The following RNF207 variants were observed in gnomAD, a reference collection of about 807,000 sequenced individuals.
RNF207 encodes the protein OTTHUMG00000001089.
A neutral mutation model predicts 79.0 loss-of-function variants in RNF207; 72 were observed. The observed-to-expected ratio is 0.91, with a 90% confidence interval of 0.75 to 1.11. The LOEUF is 1.11. Among genes scored for constraint, RNF207 ranks in the 50% least tolerant of loss-of-function variants. The probability of loss-of-function intolerance (pLI) is 0.00; values close to 1 mark genes in which losing one functional copy is unlikely to be tolerated. For missense variants in RNF207, 936 were observed against 855.8 expected, an observed-to-expected ratio of 1.09 and a Z score of -1.17; for synonymous variants, 348 against 366.2, an observed-to-expected ratio of 0.95 and a Z score of 0.57.
rs1321000207 is a variant in RNF207 at position 6,220,049 on chromosome 1, C to T, written c.*642C>T. On this transcript the variant is annotated 3_prime_UTR_variant, in exon 18 of 18. Coordinates refer to ENST00000377939, the MANE Select transcript of RNF207 (RefSeq NM_207396.3). ...CCAACCTCAGGTGATCCGCCCACCTCGGCCTCCCAAAATGCTGGGATTACA... is the reference window on the plus strand; with the variant it reads ...CCAACCTCAGGTGATCCGCCCACCTTGGCCTCCCAAAATGCTGGGATTACA... The T allele has an allele frequency of 1.3e-5, 2 of 152,246 alleles. No homozygotes were observed. The allele number at this position is 152,246 out of a possible 1,614,324, so 9.4% of individuals were successfully genotyped here. A position where few individuals can be genotyped will look rare whatever the true frequency, so the allele number is the denominator to read the frequency against.
At chr1:6,208,601 C>T in intron 3 of RNF207, 1 of 456,468 alleles carries the variant, frequency 2.2e-6, no homozygotes, top group Non-Finnish European at 3.9e-6. Context: ...GCCACCGCGC[C>T]CGGCCTCGGT....
rs1462997049 is a variant in RNF207 at position 6,209,041 on chromosome 1, G to T, written c.469+16G>T. 29 of 1,542,902 alleles carry T rather than the reference G, an allele frequency of 1.9e-5. No homozygotes were observed. The highest frequency in any genetic ancestry group is 2.0e-4 in the Middle Eastern group (1 of 5,126). ...CAGAAGTGCAGTGAGTGAGGCTTGC[G>T]GGGCCGGGGACTTGGGGGTGGGGGC... On this transcript the variant is annotated intron_variant, in intron 4 of 17. Coordinates refer to ENST00000377939, the MANE Select transcript of RNF207 (RefSeq NM_207396.3).
chr1:6,206,822 A>G, intron 2 of RNF207, 96 bp downstream of exon 2: 1 of 1,001,534 alleles, frequency 1.0e-6, no homozygotes, highest in Admixed American at 2.4e-5. Context: ...CAGGAGAGTA[A>G]GGCTCCAACT....
At position 6,212,354 on chromosome 1, in the gene RNF207, C is replaced by T. The variant is rs781257749; in HGVS notation, c.1420C>T (p.Leu474=). 6.2e-7 allele frequency: 1 copy of T among 1,613,968 alleles called. No individual in the cohort carries two copies. The highest frequency in any genetic ancestry group is 2.2e-5 in the East Asian group (1 of 44,870). The change falls in exon 14 of 18, where the codon CTG becomes TTG. Residue 474 remains leucine, a synonymous_variant. Coordinates refer to ENST00000377939, the MANE Select transcript of RNF207 (RefSeq NM_207396.3). ...AGACGTCCTGCACAAGTCCCTGCAACTGGACGTGCAGATCGCCTCGGAGCA... is the reference window on the plus strand; with the variant it reads ...AGACGTCCTGCACAAGTCCCTGCAATTGGACGTGCAGATCGCCTCGGAGCA... ...MGDVLHKSLQ[L]DVQIASEHAS... is the part of the protein sequence containing the mutation.
intron 16 of RNF207, among the ~76,000 whole-genome samples, chr1:6,215,124 G>T (rs1284324519): frequency 6.6e-6 from 1 of 151,102 alleles, no homozygotes; most frequent in Non-Finnish European, 1.5e-5. Context: ...CGCCTACTTG[G>T]TTCAAGCCAT....
chr1:6,206,490 G>C (rs1016769729), intron 1 of RNF207, 46 bp from the exon 2 acceptor site: 13 of 1,437,016 alleles, frequency 9.0e-6, no homozygotes, highest in Non-Finnish European at 1.2e-5. Context: ...GAGCTCAAGC[G>C]GGGCTCCGTG....
rs1303909814 is a variant in RNF207 at position 6,209,010 on chromosome 1, G to C, written c.454G>C (p.Val152Leu). The C allele has an allele frequency of 2.6e-6, 4 of 1,540,116 alleles. No homozygotes were observed. The highest frequency in any genetic ancestry group is 2.6e-6 in the Non-Finnish European group (3 of 1,145,696). The change falls in exon 4 of 18, where the codon GTG (valine) becomes CTG (leucine). Residue 152 changes from valine (V) to leucine (L), a missense_variant. By Grantham distance (32) the Val-to-Leu change is conservative. Transcript: ENST00000377939. ...GGCCCTGGGTCAGCGAAGCCGCGAC[G>C]TGCCCCAGAAGTGCAGTGAGTGAGG... ...IVALGQRSRD[V>L]PQKCTLHAEP...
rs1667942702 is a variant in RNF207, at chr1:6,207,180, AG to A, written c.192-197del. On this transcript the variant is annotated intron_variant, in intron 2 of 17. Coordinates refer to ENST00000377939, the MANE Select transcript of RNF207 (RefSeq NM_207396.3). This position sits in a 1 kb window ranked among gnomAD's most constrained non-coding sequence, Gnocchi z 4.5. ...CTAGGGGACCAACCCCACTGTCTGC[AG>A]GAGTGCCCAGGACTGGGCAAGGGTA... Among the ~76,000 whole-genome samples, 1 of 152,210 alleles carries A rather than the reference AG, an allele frequency of 6.6e-6. No homozygotes were observed. The highest frequency in any genetic ancestry group is 1.5e-5 in the Non-Finnish European group (1 of 68,044).
intron 1 of RNF207, 103 bp from the exon 2 acceptor site, chr1:6,206,433 C>A: frequency 1.2e-6 from 1 of 806,622 alleles, no homozygotes; most frequent in Non-Finnish European, 1.9e-6. Flanking sequence ...CCAGTCGGGT[C>A]CAGGCGCGAT....
chr1:6,208,201 T>A (rs1474008170), intron 3 of RNF207: 1 of 127,220 alleles, frequency 7.9e-6, no homozygotes, highest in Non-Finnish European at 1.6e-5. Context: ...GCTCTTCCCC[T>A]CCCCCCGCCC....
Position 6,209,044 on chromosome 1 carries a change from G to T in RNF207, c.469+19G>T, listed in dbSNP as rs920247742. 6.5e-7 allele frequency: 1 copy of T among 1,540,560 alleles called. No individual in the cohort carries two copies. Among genetic ancestry groups the T allele is most frequent in the Non-Finnish European group, 8.7e-7 (1 of 1,144,198 alleles). On this transcript the variant is annotated intron_variant, in intron 4 of 17. Coordinates refer to ENST00000377939, the MANE Select transcript of RNF207 (RefSeq NM_207396.3). ...AAGTGCAGTGAGTGAGGCTTGCGGG[G>T]CCGGGGACTTGGGGGTGGGGGCGGG...
rs1342076803 is a variant in RNF207, at chr1:6,217,173, C to T, written c.1653-1116C>T. 6.6e-6 allele frequency among the ~76,000 whole-genome samples: 1 copy of T among 152,162 alleles called. No individual in the cohort carries two copies. Among genetic ancestry groups the T allele is most frequent in the Non-Finnish European group, 1.5e-5 (1 of 68,032 alleles). On this transcript the variant is annotated intron_variant, in intron 16 of 17. Coordinates refer to ENST00000377939, the MANE Select transcript of RNF207 (RefSeq NM_207396.3). This position sits in a 1 kb window ranked among gnomAD's most constrained non-coding sequence, Gnocchi z 4.2. Reference sequence around the variant, plus strand: ...CGTGACCGTGCCTAGCCATGTTAGTCTTCAGTACACCTTCTCTTTGCTGAC... The same window carrying T: ...CGTGACCGTGCCTAGCCATGTTAGTTTTCAGTACACCTTCTCTTTGCTGAC...
In RNF207 at chr1:6,212,412, A is replaced by G; in HGVS notation, c.1478A>G (p.Gln493Arg). Residue 493 changes from glutamine (Q) to arginine (R), a missense_variant, in exon 14 of 18, where the codon CAG (glutamine) becomes CGG (arginine). Coordinates refer to ENST00000377939, the MANE Select transcript of RNF207 (RefSeq NM_207396.3). ...ASLEGMRVVF[Q>R]EIWEEAYQRV... ...TTAGAGGGCATGAGGGTCGTCTTCCAGGAGGTAGCCCTCCCAAGGACTCTA... is the reference window on the plus strand; with the variant it reads ...TTAGAGGGCATGAGGGTCGTCTTCCGGGAGGTAGCCCTCCCAAGGACTCTA... 1 of 1,607,374 alleles carries G rather than the reference A, an allele frequency of 6.2e-7. No homozygotes were observed. Among genetic ancestry groups the G allele is most frequent in the Non-Finnish European group, 8.5e-7 (1 of 1,176,912 alleles).
At chr1:6,212,793 A>G (rs1345726333) in intron 15 of RNF207, 60 bp downstream of exon 15, 1 of 1,387,184 alleles carries the variant, frequency 7.2e-7, no homozygotes, top group Admixed American at 1.7e-5. Flanking sequence ...ACATACTAGC[A>G]GAGGAGGAAG....
At position 6,218,347 on chromosome 1, in the gene RNF207, A is replaced by G. The variant is rs372042517; in HGVS notation, c.1711A>G (p.Arg571Gly). ...TCTACAGAACACGCACGACGACAGC[A>G]GGAACAACGCGGCCTCAGCCAGGTA... ...ESLQNTHDDS[R>G]NNAASARNNP... The change falls in exon 17 of 18, where the codon AGG becomes GGG. Residue 571 changes from arginine (R) to glycine (G), a missense_variant. Transcript: ENST00000377939. 18 of 1,613,852 alleles carry G rather than the reference A, an allele frequency of 1.1e-5. No individual in the cohort carries two copies. The African/African-American group carries it at 2.4e-4, about 22-fold the overall frequency.
rs771988293 is a variant in RNF207 at position 6,212,092 on chromosome 1, T to C, written c.1296+39T>C. ...GATCTGCCGGAGGGGGGAGATGTCC[T>C]AACCCACTCCTCACCAAGGTACGCT... is the stretch of plus-strand genomic sequence containing the variant. On this transcript the variant is annotated intron_variant, in intron 13 of 17. Transcript: ENST00000377939. 1.5e-5 allele frequency: 23 copies of C among 1,564,270 alleles called. No individual in the cohort carries two copies. The Admixed American group carries it at 4.0e-4, about 27-fold the overall frequency.
rs552494698 is a variant in RNF207, at chr1:6,217,097, T to G, written c.1653-1192T>G. ...GTTGCCAAAGATGGTCTCCAACTCCTGGGCTAAGTGATCCTCCCACCTCAG... is the reference window on the plus strand; with the variant it reads ...GTTGCCAAAGATGGTCTCCAACTCCGGGGCTAAGTGATCCTCCCACCTCAG... On this transcript the variant is annotated intron_variant, in intron 16 of 17. Coordinates refer to ENST00000377939, the MANE Select transcript of RNF207 (RefSeq NM_207396.3). This position sits in a 1 kb window ranked among gnomAD's most constrained non-coding sequence, Gnocchi z 4.2. Among the ~76,000 whole-genome samples, 1 of 152,154 alleles carries G rather than the reference T, an allele frequency of 6.6e-6. No individual in the cohort carries two copies. The highest frequency in any genetic ancestry group is 2.1e-4 in the South Asian group (1 of 4,820).
rs747508143 is a variant in RNF207, at chr1:6,206,253, C to G, written c.-50C>G. On this transcript the variant is annotated 5_prime_UTR_variant, in exon 1 of 18. Coordinates refer to ENST00000377939, the MANE Select transcript of RNF207 (RefSeq NM_207396.3). ...GAGCCGCACTAAGAGCGCTGGACGG[C>G]GGGAGAGAGGCTCGGAGGACCGGTA... 1 of 398,558 alleles carries G rather than the reference C, an allele frequency of 2.5e-6. No homozygotes were observed. The highest frequency in any genetic ancestry group is 4.4e-5 in the Admixed American group (1 of 22,486). 24.7% of individuals were successfully genotyped at this position (398,558 alleles called of 1,614,324 possible).
chr1:6,215,642 TC>T (rs1212818776), intron 16 of RNF207, among the ~76,000 whole-genome samples: 1 of 152,194 alleles, frequency 6.6e-6, no homozygotes, highest in African/African-American at 2.4e-5. Flanking sequence ...AAGTGTTTCC[TC>T]CCAATTGCTT....
Sources: allele counts gnomAD v4.1 joint callset (sites outside exome capture counted in the v4.1 genomes callset), GRCh38; gene constraint gnomAD v4.1.1; non-coding constraint Gnocchi (gnomAD v3.1); transcripts MANE v1.5; gene names NCBI Gene and HGNC (gene_info 2026-07-23, HGNC 2026-07-21).